ERCC5: variants seen among roughly 807,000 people sequenced by gnomAD.
ERCC5 encodes the protein DNA excision repair protein ERCC-5.
In ERCC5, 68 loss-of-function variants were observed where a neutral mutation model predicts 105.6. The observed-to-expected ratio is 0.64, with a 90% CI of 0.53 to 0.79. The LOEUF is 0.79. Among genes scored for constraint, ERCC5 ranks in the 30% least tolerant of loss-of-function variants. The probability of loss-of-function intolerance (pLI) is 0.00; values close to 1 mark genes in which losing one functional copy is unlikely to be tolerated. For missense variants in ERCC5, 1,373 were observed against 1,426.7 expected, an observed-to-expected ratio of 0.96 and a Z score of 0.61; for synonymous variants, 546 against 526.2, an observed-to-expected ratio of 1.04 and a Z score of -0.51.
Position 102,861,509 on chromosome 13 carries a change from G to A in ERCC5, c.675G>A (p.Glu225=). The A allele has an allele frequency of 1.2e-6, 2 of 1,614,056 alleles. No individual in the cohort carries two copies. Among genetic ancestry groups the A allele is most frequent in the Non-Finnish European group, 1.7e-6 (2 of 1,179,994 alleles). Reference sequence around the variant, plus strand: ...TTGTTTGTTTATTTTGCCTTTAGGAGTCTGATGACTTTTCACAGTACCAAC... The same window carrying A: ...TTGTTTGTTTATTTTGCCTTTAGGAATCTGATGACTTTTCACAGTACCAAC... ...RRTLFEAMPE[E]SDDFSQYQLK... Residue 225 remains glutamate (E), a splice_region_variant and synonymous_variant, in exon 7 of 15, where the codon GAG becomes GAA. Coordinates refer to ENST00000652225, the MANE Select transcript of ERCC5 (RefSeq NM_000123.4).
chr13:102,860,388 C>G (rs1566467441), intron 6 of ERCC5, among the ~76,000 whole-genome samples: 1 of 152,128 alleles, frequency 6.6e-6, no homozygotes, highest in Non-Finnish European at 1.5e-5. Context: ...AAGTCATGAC[C>G]TCAGCGTGTG....
chr13:102,853,961 A>AT (rs1882302193), intron 3 of ERCC5, 89 bp downstream of exon 3: 1 of 1,280,230 alleles, frequency 7.8e-7, no homozygotes, highest in Non-Finnish European at 1.1e-6. Flanking sequence ...TCCCTATCTA[A>AT]TTTTGACTCT....
At chr13:102,848,450 G>T (rs4150253) in intron 1 of ERCC5, among the ~76,000 whole-genome samples, 88,646 of 152,074 alleles carry the variant, frequency 0.58, 26,614 homozygotes, top group African/African-American at 0.66. Context: ...TAATGCAGAA[G>T]TAAGTTAAAC....
Position 102,866,386 on chromosome 13 carries a change from G to C in ERCC5, c.2319+5G>C. 1 of 1,614,118 alleles carries C rather than the reference G, an allele frequency of 6.2e-7. No individual in the cohort carries two copies. The highest frequency in any genetic ancestry group is 8.5e-7 in the Non-Finnish European group (1 of 1,179,962). ...CAGATGTTCCTGGAAAGCCAGGTGG[G>C]TGCAGGCAGCTTGGGTTTCCTTTAC... On this transcript the variant is annotated splice_donor_5th_base_variant and intron_variant, in intron 10 of 14. Transcript: ENST00000652225.
intron 10 of ERCC5, 120 bp from the exon 11 acceptor site, chr13:102,866,512 G>A: frequency 6.3e-7 from 1 of 1,594,454 alleles, no homozygotes; most frequent in Non-Finnish European, 8.6e-7. Flanking sequence ...GGGGGTCACT[G>A]TGTGTCCCTA....
At chr13:102,857,787 T>G (rs1411034690) in intron 5 of ERCC5, among the ~76,000 whole-genome samples, 3 of 152,232 alleles carry the variant, frequency 2.0e-5, no homozygotes, top group Non-Finnish European at 2.9e-5. Context: ...GGCTCTTTGA[T>G]ATCTTCCAAG....
chr13:102,861,481 AT>A (rs1566467960), intron 6 of ERCC5, 25 bp from the exon 7 acceptor site: 1 of 1,611,986 alleles, frequency 6.2e-7, no homozygotes, highest in Admixed American at 1.7e-5. Context: ...TAAAACAGTA[AT>A]TTTGTTTGTT....
At chr13:102,854,906 G>T (rs188285505) in intron 4 of ERCC5, among the ~76,000 whole-genome samples, 1 of 152,270 alleles carries the variant, frequency 6.6e-6, no homozygotes, top group Non-Finnish European at 1.5e-5. Context: ...CTTAATGGTT[G>T]GTGGTTTCTG....
intron 4 of ERCC5, 34 bp downstream of exon 4, chr13:102,854,408 G>A: frequency 1.3e-6 from 2 of 1,598,408 alleles, no homozygotes; most frequent in Non-Finnish European, 8.6e-7. Context: ...TATTATTTTA[G>A]TCATTGCTAC....
At chr13:102,846,606 A>AT in intron 1 of ERCC5, among the ~76,000 whole-genome samples, 1 of 152,268 alleles carries the variant, frequency 6.6e-6, no homozygotes, top group East Asian at 1.9e-4. Flanking sequence ...ATGGCGTGGT[A>AT]TTTGCATATA....
intron 12 of ERCC5, among the ~76,000 whole-genome samples, chr13:102,870,885 C>T (rs1176742416): frequency 6.6e-6 from 1 of 152,084 alleles, no homozygotes; most frequent in Admixed American, 6.5e-5. Flanking sequence ...CCATTGAGTA[C>T]ATAGATTGGT....
intron 5 of ERCC5, among the ~76,000 whole-genome samples, chr13:102,857,382 T>G (rs917189383): frequency 6.6e-6 from 1 of 152,124 alleles, no homozygotes; most frequent in African/African-American, 2.4e-5. Flanking sequence ...TAAAACGAAA[T>G]TGATATCAAT....
In ERCC5 at chr13:102,862,302, C is replaced by A. The variant is rs1882656569; in HGVS notation, c.1153C>A (p.Pro385Thr). The change falls in exon 8 of 15, where the codon CCC (proline) becomes ACC (threonine). Residue 385 changes from proline to threonine, a missense_variant. Pro to Thr is a conservative substitution (Grantham distance 38, BLOSUM62 -1). Around this residue, in one of 3 missense-constraint regions of ERCC5, gnomAD observed 1,004 missense variants for 1,059.7 expected, o/e 0.95. Coordinates refer to ENST00000652225, the MANE Select transcript of ERCC5 (RefSeq NM_000123.4). ...TGCTGTAGACGAAGGCTCCATATCA[C>A]CCCGGACTCTTTCAGCCATTAAGAG... ...PAAVDEGSIS[P>T]RTLSAIKRAL... 6.2e-7 allele frequency: 1 copy of A among 1,614,020 alleles called. No individual in the cohort carries two copies. The highest frequency in any genetic ancestry group is 1.3e-5 in the African/African-American group (1 of 74,904).
chr13:102,866,283 A>G lies in ERCC5; in HGVS notation c.2221A>G (p.Ser741Gly). 1 of 1,614,242 alleles carries G rather than the reference A, an allele frequency of 6.2e-7. No homozygotes were observed. Among genetic ancestry groups the G allele is most frequent in the Non-Finnish European group, 8.5e-7 (1 of 1,180,040 alleles). Residue 741 changes from serine to glycine, a missense_variant, in exon 10 of 15, where the codon AGC becomes GGC. Ser to Gly is a moderately conservative substitution (Grantham distance 56). This residue lies in a region of ERCC5 where 1,004 missense variants were observed against 1,059.7 expected (regional missense o/e 0.95). Coordinates refer to ENST00000652225, the MANE Select transcript of ERCC5 (RefSeq NM_000123.4). ...INLEELETLE[S>G]NLLAQQNSLK... ...ATAGGAGGAGTTGGAAACTCTGGAG[A>G]GCAACCTCTTAGCACAGCAGAATTC...
At chr13:102,874,350 C>T (rs1445396315) in intron 14 of ERCC5, among the ~76,000 whole-genome samples, 5 of 152,272 alleles carry the variant, frequency 3.3e-5, no homozygotes, top group East Asian at 3.9e-4. Context: ...AATCCTCCCC[C>T]CCAACTTATT....
chr13:102,847,297 A>ATT (rs35223521), intron 1 of ERCC5, among the ~76,000 whole-genome samples: 5,370 of 139,434 alleles, frequency 0.039, 134 homozygotes, highest in Middle Eastern at 0.063. Context: ...TTATGTAGTC[A>ATT]TTTTTTTTTT....
intron 2 of ERCC5, 73 bp from the exon 3 acceptor site, chr13:102,853,684 G>T: frequency 6.7e-7 from 1 of 1,486,968 alleles, no homozygotes; most frequent in Non-Finnish European, 9.2e-7. Flanking sequence ...AAATTCTCTG[G>T]AAAATAAATC....
chr13:102,859,281 T>TA lies in ERCC5; in HGVS notation c.672+864dup, dbSNP rs78922166. On this transcript the variant is annotated intron_variant, in intron 6 of 14. Transcript: ENST00000652225. ...TTAGTGCATAGATGGAGTGTTTTTT[T>TA]ATTTTCTACAATTTTTGAATATTGC... 1.3e-3 allele frequency among the ~76,000 whole-genome samples: 199 copies of TA among 152,368 alleles called. 1 individual carries two copies. In the East Asian group the frequency reaches 0.016, roughly 13 times the overall value.
At position 102,862,186 on chromosome 13, in the gene ERCC5, T is replaced by C. The variant is rs1027718985; in HGVS notation, c.1037T>C (p.Leu346Pro). Residue 346 changes from leucine to proline, a missense_variant, in exon 8 of 15, where the codon CTA becomes CCA. By Grantham distance (98) the Leu-to-Pro change is moderately conservative. This residue lies in a region of ERCC5 where 1,004 missense variants were observed against 1,059.7 expected (regional missense o/e 0.95). Coordinates refer to ENST00000652225, the MANE Select transcript of ERCC5 (RefSeq NM_000123.4). ...DATPPSPRTL[L>P]AMQAALLGSS... ...ACCCCTCCTTCTCCAAGAACTTTAC[T>C]AGCTATGCAAGCTGCCCTGCTGGGA... The C allele has an allele frequency of 2.5e-6, 4 of 1,614,066 alleles. No homozygotes were observed. Among genetic ancestry groups the C allele is most frequent in the Non-Finnish European group, 3.4e-6 (4 of 1,180,032 alleles).
Sources: allele counts gnomAD v4.1 joint callset (sites outside exome capture counted in the v4.1 genomes callset), GRCh38; gene constraint gnomAD v4.1.1; regional missense constraint gnomAD v4.1.1; transcripts MANE v1.5; gene names NCBI Gene and HGNC (gene_info 2026-07-23, HGNC 2026-07-21).